SCAI: variants seen among roughly 807,000 people sequenced by gnomAD.
SCAI encodes the protein protein SCAI.
A neutral mutation model predicts 92.2 loss-of-function variants in SCAI; 24 were observed. That is an observed-to-expected ratio of 0.26 (90% CI 0.19 to 0.37). The LOEUF (loss-of-function observed/expected upper bound fraction) is 0.37, where lower values mean the gene tolerates loss of function less well. Ranked by LOEUF, SCAI falls within the 10% of genes least tolerant of loss-of-function variation. The pLI, the probability that SCAI is intolerant of heterozygous loss-of-function variation, is 1.00. For synonymous variants in SCAI, 261 were observed against 258.6 expected, an observed-to-expected ratio of 1.01 and a Z score of -0.09; for missense variants, 450 against 736.2, an observed-to-expected ratio of 0.61 and a Z score of 4.50.
intron 2 of SCAI, among the ~76,000 whole-genome samples, chr9:125,083,494 T>C (rs1473201164): frequency 1.5e-5 from 2 of 132,250 alleles, no homozygotes; most frequent in East Asian, 4.3e-4. Context: ...CTCCAGCCTA[T>C]GCGACACAGT....
At chr9:125,119,412 TTTC>T (rs1331862897) in intron 2 of SCAI, among the ~76,000 whole-genome samples, 2 of 152,228 alleles carry the variant, frequency 1.3e-5, no homozygotes, top group Admixed American at 6.5e-5. Flanking sequence ...CAATATTTGA[TTTC>T]TTGTTTTGTA....
intron 2 of SCAI, among the ~76,000 whole-genome samples, chr9:125,057,683 G>A (rs1833696781): frequency 6.6e-6 from 1 of 152,190 alleles, no homozygotes. Flanking sequence ...TGGAGGAGGA[G>A]GAGGGCACCC....
intron 14 of SCAI, among the ~76,000 whole-genome samples, chr9:124,993,342 A>G (rs1832173533): frequency 6.6e-6 from 1 of 152,240 alleles, no homozygotes. Context: ...TAATCCCAAC[A>G]TTTTGGGAGG....
rs541263977 is a variant in SCAI at position 124,978,915 on chromosome 9, C to A, written c.1327-2729G>T. Among the ~76,000 whole-genome samples, 27 of 152,026 alleles carry A rather than the reference C, an allele frequency of 1.8e-4. 1 individual carries two copies. The South Asian group carries it at 5.0e-3, about 28-fold the overall frequency. ...TCGCTCTGTCGCCCAGGCTGGAGTG[C>A]AACCTCCACCTCTCAGCTCACTGTA... On this transcript the variant is annotated intron_variant, in intron 14 of 17. Coordinates refer to ENST00000336505, the MANE Select transcript of SCAI (RefSeq NM_001144877.3).
chr9:125,109,314 G>C (rs1375612851), intron 2 of SCAI, among the ~76,000 whole-genome samples: 1 of 151,858 alleles, frequency 6.6e-6, no homozygotes, highest in Non-Finnish European at 1.5e-5. Flanking sequence ...CTATGACCCT[G>C]CCAAATCCCC....
intron 14 of SCAI, among the ~76,000 whole-genome samples, chr9:124,990,761 T>C (rs1043724569): frequency 3.3e-5 from 5 of 152,158 alleles, no homozygotes; most frequent in East Asian, 1.9e-4. Context: ...CAAAAACTAT[T>C]TGAAGAGCGG....
In SCAI at chr9:124,946,709, G is replaced by A. The variant is rs1831149474; in HGVS notation, c.*6098C>T. On this transcript the variant is annotated 3_prime_UTR_variant, in exon 18 of 18. Coordinates refer to ENST00000336505, the MANE Select transcript of SCAI (RefSeq NM_001144877.3). The surrounding 1 kb of genome is among the most constrained non-coding windows in gnomAD (Gnocchi z 4.0). Reference sequence around the variant, plus strand: ...CCCAACCCTATCATCCTTGGGAGAGGTTTGAAGGCCCAGATTTTTATAGCA... The same window carrying A: ...CCCAACCCTATCATCCTTGGGAGAGATTTGAAGGCCCAGATTTTTATAGCA... The A allele has an allele frequency of 6.6e-6, 1 of 152,144 alleles. No homozygotes were observed. The highest frequency in any genetic ancestry group is 2.4e-5 in the African/African-American group (1 of 41,424). 9.4% of individuals were successfully genotyped at this position (152,144 alleles called of 1,614,324 possible).
chr9:125,032,602 T>C (rs780650580), intron 3 of SCAI, among the ~76,000 whole-genome samples: 40 of 145,902 alleles, frequency 2.7e-4, no homozygotes, highest in Non-Finnish European at 4.8e-4. Context: ...GAAAACCTGT[T>C]TACTAATATT....
chr9:125,105,105 A>G lies in SCAI; in HGVS notation c.98+37528T>C, dbSNP rs74309934. Among the ~76,000 whole-genome samples the G allele has an allele frequency of 0.018, 2,795 of 152,222 alleles. 160 individuals carry two copies. In the East Asian group the frequency reaches 0.23, roughly 12 times the overall value. ...AATCATCTGGTGGTAAGAAAACCAA[A>G]GCCATCATGTACCTCTAAAACTTCA... is the stretch of plus-strand genomic sequence containing the variant. On this transcript the variant is annotated intron_variant, in intron 2 of 17. Transcript: ENST00000336505.
chr9:125,056,918 T>A (rs1833680314), intron 2 of SCAI, among the ~76,000 whole-genome samples: 1 of 151,996 alleles, frequency 6.6e-6, no homozygotes, highest in Non-Finnish European at 1.5e-5. Flanking sequence ...CACACACACG[T>A]ACACACACAG....
At position 125,143,462 on chromosome 9, in the gene SCAI, C is replaced by G. The variant is rs1051920683; in HGVS notation, c.-25G>C. On this transcript the variant is annotated 5_prime_UTR_variant, in exon 1 of 18. Transcript: ENST00000336505. ...TCCGGCTCCTGCTCCGCCGCGGGAG[C>G]TGCTCCGGCGGCCGCAGGGCTCGCT... 1.3e-5 allele frequency: 17 copies of G among 1,341,778 alleles called. No individual in the cohort carries two copies. The highest frequency in any genetic ancestry group is 1.8e-5 in the South Asian group (1 of 56,388). 83.1% of individuals were successfully genotyped at this position (1,341,778 alleles called of 1,614,324 possible). A position where few individuals can be genotyped will look rare whatever the true frequency, so the allele number is the denominator to read the frequency against.
At chr9:124,987,997 T>C (rs147501953) in intron 14 of SCAI, among the ~76,000 whole-genome samples, 79 of 151,872 alleles carry the variant, frequency 5.2e-4, no homozygotes, top group African/African-American at 1.8e-3. Flanking sequence ...AACACTCTTT[T>C]AAGTGTGAGG....
chr9:125,092,981 C>T (rs1834467357), intron 2 of SCAI, among the ~76,000 whole-genome samples: 1 of 152,224 alleles, frequency 6.6e-6, no homozygotes, highest in African/African-American at 2.4e-5. Flanking sequence ...GGGTAATTAT[C>T]AGTCTTCATC....
At chr9:125,041,551 C>T (rs1833318301) in intron 3 of SCAI, among the ~76,000 whole-genome samples, 1 of 152,158 alleles carries the variant, frequency 6.6e-6, no homozygotes, top group African/African-American at 2.4e-5. Flanking sequence ...CTCAGTAATA[C>T]ATCCTGTTAA....
rs1250316943 is a variant in SCAI at position 124,946,029 on chromosome 9, G to C, written c.*6778C>G. ...AAAGTTATTGGCTTTACAACGGTTG[G>C]GGTCAGAGGTCACATTCACAATGTC... On this transcript the variant is annotated 3_prime_UTR_variant, in exon 18 of 18. Coordinates refer to ENST00000336505, the MANE Select transcript of SCAI (RefSeq NM_001144877.3). The surrounding 1 kb of genome is among the most constrained non-coding windows in gnomAD (Gnocchi z 4.0). 3.3e-5 allele frequency: 5 copies of C among 152,116 alleles called. No individual in the cohort carries two copies. The highest frequency in any genetic ancestry group is 1.9e-4 in the East Asian group (1 of 5,200). 9.4% of individuals were successfully genotyped at this position (152,116 alleles called of 1,614,324 possible).
At chr9:125,109,158 A>G (rs1015610005) in intron 2 of SCAI, among the ~76,000 whole-genome samples, 1 of 152,198 alleles carries the variant, frequency 6.6e-6, no homozygotes, top group African/African-American at 2.4e-5. Flanking sequence ...GCTTGAAGGC[A>G]GCATGCTCGT....
chr9:125,110,775 TCA>T (rs1205477427), intron 2 of SCAI, among the ~76,000 whole-genome samples: 3 of 152,140 alleles, frequency 2.0e-5, no homozygotes, highest in African/African-American at 7.2e-5. Context: ...TTACCCAGTC[TCA>T]GTTATTTCTA....
At position 125,036,008 on chromosome 9, in the gene SCAI, A is replaced by G. The variant is rs577240484; in HGVS notation, c.231-6269T>C. Among the ~76,000 whole-genome samples, 4 of 152,332 alleles carry G rather than the reference A, an allele frequency of 2.6e-5. No individual in the cohort carries two copies. The South Asian group carries it at 8.3e-4, about 32-fold the overall frequency. On this transcript the variant is annotated intron_variant, in intron 3 of 17. Transcript: ENST00000336505. ...AAACTTGTTTTTACTTTAAAAAGAA[A>G]TTAGCCAGGGGCATGCTTGTAGTCC...
chr9:125,029,808 G>A, intron 3 of SCAI, 69 bp from the exon 4 acceptor site: 3 of 889,024 alleles, frequency 3.4e-6, no homozygotes, highest in South Asian at 2.0e-5. Flanking sequence ...GTCTTGTGAT[G>A]GTACAAACCA....
Sources: gnomAD v4.1 joint callset for allele counts (sites outside exome capture counted in the v4.1 genomes callset) on GRCh38, gnomAD v4.1.1 for gene constraint, Gnocchi (gnomAD v3.1) non-coding constraint, MANE v1.5 for transcripts, NCBI Gene and HGNC (gene_info 2026-07-23, HGNC 2026-07-21) for gene names.